The following NOP58 variants were observed in gnomAD, a reference collection of about 807,000 sequenced individuals.
NOP58 encodes the protein NOP58 ribonucleoprotein, also known as nucleolar protein 58.
NOP58 carries 44 observed loss-of-function variants against 71.2 expected under a neutral mutation model. That is an observed-to-expected ratio of 0.62 (90% CI 0.49 to 0.79). The LOEUF is 0.79. Ranked by LOEUF, NOP58 falls within the 30% of genes least tolerant of loss-of-function variation. The probability of loss-of-function intolerance (pLI) is 0.00; values close to 1 mark genes in which losing one functional copy is unlikely to be tolerated. For synonymous variants in NOP58, 228 were observed against 200.3 expected, an observed-to-expected ratio of 1.14 and a Z score of -1.17; for missense variants, 538 against 620.2, an observed-to-expected ratio of 0.87 and a Z score of 1.41.
At chr2:202,291,533 G>A (rs943297883) in intron 8 of NOP58, 6 of 249,382 alleles carry the variant, frequency 2.4e-5, no homozygotes, top group Admixed American at 5.2e-5. Context: ...AAGGCCAGGC[G>A]CGTTGGCTCA....
At chr2:202,294,689 G>A (rs1688961448) in intron 9 of NOP58, among the ~76,000 whole-genome samples, 1 of 152,178 alleles carries the variant, frequency 6.6e-6, no homozygotes, top group Non-Finnish European at 1.5e-5. Flanking sequence ...GCAGGGCCGG[G>A]TGTGGTGGCT....
At chr2:202,286,163 C>CA (rs1486832807) in intron 5 of NOP58, among the ~76,000 whole-genome samples, 1 of 108,680 alleles carries the variant, frequency 9.2e-6, no homozygotes, top group Non-Finnish European at 1.8e-5. Flanking sequence ...GCCTGGGTGA[C>CA]AGAGTGAGAC....
At chr2:202,294,547 A>AT (rs1228124096) in intron 9 of NOP58, among the ~76,000 whole-genome samples, 2 of 152,186 alleles carry the variant, frequency 1.3e-5, no homozygotes, top group African/African-American at 4.8e-5. Flanking sequence ...GAAACAGAGG[A>AT]TAGTACTGAA....
chr2:202,296,955 G>A (rs1241761123), intron 10 of NOP58, among the ~76,000 whole-genome samples: 1 of 151,782 alleles, frequency 6.6e-6, no homozygotes, highest in Non-Finnish European at 1.5e-5. Context: ...GGATGGTCTC[G>A]ATCTCCTGAC....
At chr2:202,300,402 C>G in intron 13 of NOP58, 35 bp downstream of exon 13, 1 of 1,532,570 alleles carries the variant, frequency 6.5e-7, no homozygotes, top group Middle Eastern at 1.7e-4. Flanking sequence ...ACAACTTATA[C>G]TCACTTCTTT....
intron 10 of NOP58, 30 bp downstream of exon 10, chr2:202,295,867 A>T (rs1299670736): frequency 3.4e-6 from 5 of 1,490,252 alleles, no homozygotes; most frequent in Non-Finnish European, 4.5e-6. Flanking sequence ...TTTGTTTTTG[A>T]GGTTAGACTT....
At chr2:202,295,912 G>A (rs1214809289) in intron 10 of NOP58, 75 bp downstream of exon 10, 18 of 1,129,084 alleles carry the variant, frequency 1.6e-5, no homozygotes, top group Non-Finnish European at 1.8e-5. Context: ...CTTCTACTCT[G>A]TAGTACACAT....
At chr2:202,303,325 A>T in intron 14 of NOP58, 61 bp from the exon 15 acceptor site, 2 of 1,592,938 alleles carry the variant, frequency 1.3e-6, no homozygotes, top group East Asian at 4.5e-5. Context: ...TATATTTTCA[A>T]TGTGATTACT....
intron 5 of NOP58, among the ~76,000 whole-genome samples, chr2:202,286,659 A>C (rs1205442924): frequency 6.6e-6 from 1 of 152,244 alleles, no homozygotes; most frequent in Non-Finnish European, 1.5e-5. Flanking sequence ...TTTCTAAGAG[A>C]GAACAAATAG....
chr2:202,291,001 A>AT (rs972768893), intron 7 of NOP58, 124 bp from the exon 8 acceptor site: 44 of 825,208 alleles, frequency 5.3e-5, no homozygotes, highest in Middle Eastern at 2.6e-4. Flanking sequence ...AAACTTCTTC[A>AT]TTTTTTTTGT....
chr2:202,299,165 G>A (rs1811791), intron 12 of NOP58, among the ~76,000 whole-genome samples: 20,913 of 151,656 alleles, frequency 0.14, 1,545 homozygotes, highest in African/African-American at 0.17. Context: ...TCATCATGTT[G>A]GCCAGGATGG....
chr2:202,278,910 G>GCTA, intron 3 of NOP58, among the ~76,000 whole-genome samples: 1 of 152,162 alleles, frequency 6.6e-6, no homozygotes, highest in African/African-American at 2.4e-5. Flanking sequence ...TGGCAGAGGG[G>GCTA]TAGGCTGAAG....
At chr2:202,293,276 G>GA (rs61054070) in intron 9 of NOP58, 22,186 of 289,302 alleles carry the variant, frequency 0.077, 3,886 homozygotes, top group African/African-American at 0.42. Context: ...TGTAGAGAAA[G>GA]AAAAAAAAAA....
chr2:202,290,987 G>A, intron 7 of NOP58, 138 bp from the exon 8 acceptor site: 2 of 696,144 alleles, frequency 2.9e-6, no homozygotes, highest in Non-Finnish European at 4.6e-6. Context: ...TGTTATACTA[G>A]GTCAAACTTC....
Position 202,282,432 on chromosome 2 carries a change from C to T in NOP58, c.257C>T (p.Pro86Leu), listed in dbSNP as rs758245380. 17 of 1,612,218 alleles carry T rather than the reference C, an allele frequency of 1.1e-5. No homozygotes were observed. Among genetic ancestry groups the T allele is most frequent in the Non-Finnish European group, 1.2e-5 (14 of 1,179,632 alleles). ...AAAATAGTAAAAGAAGCCCATGAAC[C>T]GCTGGCAGTAGCTGATGCTAAACTA... The part of the protein sequence containing the change: ...LKKIVKEAHE[P>L]LAVADAKLGG... The change falls in exon 4 of 15, where the codon CCG (proline) becomes CTG (leucine). Residue 86 changes from proline (P) to leucine (L), a missense_variant. Physicochemically the swap from Pro to Leu is moderately conservative, Grantham distance 98. Coordinates refer to ENST00000264279, the MANE Select transcript of NOP58 (RefSeq NM_015934.5).
In NOP58 at chr2:202,297,364, A is replaced by G. The variant is rs778209509; in HGVS notation, c.1072-15A>G. The G allele has an allele frequency of 1.9e-6, 3 of 1,608,762 alleles. No individual in the cohort carries two copies. Among genetic ancestry groups the G allele is most frequent in the Non-Finnish European group, 1.7e-6 (2 of 1,177,536 alleles). On this transcript the variant is annotated splice_polypyrimidine_tract_variant and intron_variant, in intron 10 of 14. Transcript: ENST00000264279. Reference sequence around the variant, plus strand: ...ATCTGAACATGGAATATAGTTCTTCATGTTTTTCTATTAGATTTCTCGAAT... The same window carrying G: ...ATCTGAACATGGAATATAGTTCTTCGTGTTTTTCTATTAGATTTCTCGAAT...
chr2:202,287,735 T>G lies in NOP58; in HGVS notation c.499+11T>G, dbSNP rs1293319020. The G allele has an allele frequency of 1.3e-6, 2 of 1,593,430 alleles. No homozygotes were observed. The highest frequency in any genetic ancestry group is 1.7e-6 in the Non-Finnish European group (2 of 1,161,276). On this transcript the variant is annotated intron_variant, in intron 6 of 14. Transcript: ENST00000264279. ...TTGTTCAGGCAATTTGTAAGTATAG[T>G]ACATGCAAAGTCCGATTTGTTGCTC...
At chr2:202,299,903 C>T in intron 12 of NOP58, 1 of 149,776 alleles carries the variant, frequency 6.7e-6, no homozygotes, top group Non-Finnish European at 1.4e-5. Context: ...GTTCAGTTTT[C>T]ACTTTCTAGT....
intron 7 of NOP58, among the ~76,000 whole-genome samples, chr2:202,290,734 G>A (rs80270191): frequency 7.2e-5 from 11 of 152,168 alleles, no homozygotes; most frequent in African/African-American, 2.2e-4. Flanking sequence ...GTTGATTGTC[G>A]TTAACGTACA....
Sources: gnomAD v4.1 joint callset for allele counts (sites outside exome capture counted in the v4.1 genomes callset) on GRCh38, gnomAD v4.1.1 for gene constraint, MANE v1.5 for transcripts, NCBI Gene and HGNC (gene_info 2026-07-23, HGNC 2026-07-21) for gene names.